Variants in RERG observed in about 807,000 individuals in gnomAD.
RERG encodes the protein RAS like estrogen regulated growth inhibitor, also known as ras-related and estrogen-regulated growth inhibitor.
In RERG, 25 loss-of-function variants were observed where a neutral mutation model predicts 23.2. The ratio of observed to expected loss-of-function variants is 1.08; its 90% confidence interval spans 0.79 to 1.50. RERG has a LOEUF of 1.50. RERG is among the 40% of genes most tolerant of loss of function. RERG has a pLI of 0.00. For synonymous variants in RERG, 81 were observed against 89.1 expected, an observed-to-expected ratio of 0.91 and a Z score of 0.51; for missense variants, 253 against 250.1, an observed-to-expected ratio of 1.01 and a Z score of -0.08.
At chr12:15,167,213 C>T (rs561935196) in intron 2 of RERG, among the ~76,000 whole-genome samples, 11 of 152,256 alleles carry the variant, frequency 7.2e-5, no homozygotes, top group Non-Finnish European at 7.4e-5. Context: ...CTAGACTTGG[C>T]CTGGGTTGAA....
chr12:15,137,760 T>G (rs1276821089), intron 2 of RERG: 1 of 386,676 alleles, frequency 2.6e-6, no homozygotes, highest in African/African-American at 2.1e-5. Flanking sequence ...ATTGTTTCCT[T>G]TACTACATTG....
chr12:15,148,858 T>G (rs1157143415), intron 2 of RERG, among the ~76,000 whole-genome samples: 97 of 74,640 alleles, frequency 1.3e-3, no homozygotes, highest in South Asian at 2.3e-3. Context: ...TTTTTTTTTT[T>G]TTTTTTTTTT....
chr12:15,160,252 C>T (rs749059440), intron 2 of RERG, among the ~76,000 whole-genome samples: 3 of 151,904 alleles, frequency 2.0e-5, no homozygotes, highest in South Asian at 2.1e-4. Flanking sequence ...GTATATTTCA[C>T]GAATTCTAAG....
chr12:15,217,175 G>C (rs1041173854), intron 2 of RERG: 17 of 372,388 alleles, frequency 4.6e-5, no homozygotes, highest in Admixed American at 8.9e-5. Flanking sequence ...TTAAAAATCA[G>C]AATGCCAAGA....
At chr12:15,162,487 GT>G (rs1490761321) in intron 2 of RERG, among the ~76,000 whole-genome samples, 1 of 152,092 alleles carries the variant, frequency 6.6e-6, no homozygotes, top group African/African-American at 2.4e-5. Flanking sequence ...CTATAGCATT[GT>G]TTTTATGATG....
intron 2 of RERG, among the ~76,000 whole-genome samples, chr12:15,175,432 A>AC (rs1373301684): frequency 2.1e-5 from 3 of 140,090 alleles, no homozygotes; most frequent in Non-Finnish European, 4.5e-5. Flanking sequence ...TACAAACTCT[A>AC]CCCTAGACTT....
At chr12:15,206,653 TC>T (rs1865295712) in intron 2 of RERG, among the ~76,000 whole-genome samples, 1 of 152,054 alleles carries the variant, frequency 6.6e-6, no homozygotes, top group African/African-American at 2.4e-5. Flanking sequence ...CTGCTGGTGA[TC>T]CCGAGGCATG....
At chr12:15,113,985 C>T (rs1199749924) in intron 3 of RERG, among the ~76,000 whole-genome samples, 1 of 151,850 alleles carries the variant, frequency 6.6e-6, no homozygotes, top group Non-Finnish European at 1.5e-5. Context: ...TATATAGGAA[C>T]TTAGTATATG....
chr12:15,109,499 C>T lies in RERG; in HGVS notation c.211G>A (p.Glu71Lys). The T allele has an allele frequency of 6.2e-7, 1 of 1,603,874 alleles. No homozygotes were observed. Among genetic ancestry groups the T allele is most frequent in the Non-Finnish European group, 8.5e-7 (1 of 1,173,482 alleles). ...TAGQEDTIQR[E>K]GHMRWGEGFV... is the part of the protein sequence containing the mutation. The stretch of plus-strand genomic sequence containing the variant: ...CCTTCCCCCCATCGCATGTGCCCCT[C>T]CCTCTGAATGGTATCTTCCTGTTGG... Residue 71 changes from glutamate (E) to lysine (K), a missense_variant, in exon 5 of 5, where the codon GAG becomes AAG. Transcript: ENST00000256953.
At chr12:15,174,045 C>T (rs1321414620) in intron 2 of RERG, among the ~76,000 whole-genome samples, 5 of 151,982 alleles carry the variant, frequency 3.3e-5, no homozygotes, top group Admixed American at 6.6e-5. Context: ...TCCCTATTGT[C>T]CTTTCATCCT....
At chr12:15,181,592 G>A (rs1864923235) in intron 2 of RERG, among the ~76,000 whole-genome samples, 1 of 152,172 alleles carries the variant, frequency 6.6e-6, no homozygotes, top group South Asian at 2.1e-4. Context: ...TGGGGATAAT[G>A]TTAGTTATTT....
intron 2 of RERG, among the ~76,000 whole-genome samples, chr12:15,196,038 G>C (rs1227604535): frequency 3.9e-5 from 6 of 152,202 alleles, no homozygotes; most frequent in Admixed American, 1.3e-4. Flanking sequence ...AGCTAGGTGT[G>C]GGAACTTTGA....
intron 2 of RERG, among the ~76,000 whole-genome samples, chr12:15,215,876 C>T (rs891421159): frequency 6.6e-6 from 1 of 152,100 alleles, no homozygotes; most frequent in African/African-American, 2.4e-5. Context: ...AACGGATGGA[C>T]GCACGTACAG....
chr12:15,134,657 C>A (rs891837064), intron 2 of RERG, among the ~76,000 whole-genome samples: 7 of 152,076 alleles, frequency 4.6e-5, no homozygotes, highest in African/African-American at 1.7e-4. Context: ...CTCTGTTGCC[C>A]AGGCTGGAGT....
intron 4 of RERG, 47 bp from the exon 5 acceptor site, chr12:15,109,564 AAT>A (rs1443609353): frequency 2.1e-6 from 3 of 1,444,096 alleles, no homozygotes; most frequent in Non-Finnish European, 2.8e-6. Flanking sequence ...AAATAATCAA[AAT>A]ATATGGATGC....
At chr12:15,208,279 T>C (rs1052958232) in intron 2 of RERG, among the ~76,000 whole-genome samples, 2 of 152,150 alleles carry the variant, frequency 1.3e-5, no homozygotes, top group Admixed American at 6.6e-5. Flanking sequence ...CTATTGGTTG[T>C]ATTTCCCTGG....
chr12:15,197,563 T>C (rs887097748), intron 2 of RERG, among the ~76,000 whole-genome samples: 2 of 152,226 alleles, frequency 1.3e-5, no homozygotes, highest in East Asian at 1.9e-4. Context: ...GGACTTAAAA[T>C]AACAGAACTT....
At chr12:15,216,825 T>C (rs1192097281) in intron 2 of RERG, among the ~76,000 whole-genome samples, 1 of 152,230 alleles carries the variant, frequency 6.6e-6, no homozygotes, top group Non-Finnish European at 1.5e-5. Flanking sequence ...TCTCAGATAG[T>C]GAACAAAGTC....
chr12:15,210,393 A>G (rs1010496768), intron 2 of RERG, among the ~76,000 whole-genome samples: 12 of 152,212 alleles, frequency 7.9e-5, no homozygotes, highest in Admixed American at 2.6e-4. Context: ...AAAAAGCAAG[A>G]ACAGAGATAT....
Sources: allele counts gnomAD v4.1 joint callset (sites outside exome capture counted in the v4.1 genomes callset), GRCh38; gene constraint gnomAD v4.1.1; transcripts MANE v1.5; gene names NCBI Gene and HGNC (gene_info 2026-07-23, HGNC 2026-07-21).